ATP10D: variants seen among roughly 807,000 people sequenced by gnomAD.
ATP10D encodes the protein phospholipid-transporting ATPase VD.
Under a neutral mutation model 144.8 loss-of-function variants are expected in ATP10D, and 89 were observed. The observed-to-expected ratio is 0.61, with a 90% CI of 0.52 to 0.73. The LOEUF (loss-of-function observed/expected upper bound fraction) is 0.73, where lower values mean the gene tolerates loss of function less well. Ranked by LOEUF, ATP10D falls within the 30% of genes least tolerant of loss-of-function variation. The pLI, the probability that ATP10D is intolerant of heterozygous loss-of-function variation, is 0.00. For missense variants in ATP10D, 1,603 were observed against 1,714.8 expected (o/e 0.93, Z 1.15); for synonymous variants, 571 against 615.1 (o/e 0.93, Z 1.06).
At chr4:47,501,906 T>C (rs1478452069) in intron 1 of ATP10D, among the ~76,000 whole-genome samples, 4 of 152,198 alleles carry the variant, frequency 2.6e-5, no homozygotes, top group African/African-American at 9.6e-5. Context: ...GTCATTTCAA[T>C]AACGTATTAT....
intron 2 of ATP10D, among the ~76,000 whole-genome samples, chr4:47,513,558 A>G (rs1055081853): frequency 5.3e-5 from 8 of 152,198 alleles, no homozygotes; most frequent in Non-Finnish European, 1.2e-4. Flanking sequence ...GAGATATTCA[A>G]AGCAGAGGTG....
chr4:47,495,737 CT>C (rs34643518), intron 1 of ATP10D, among the ~76,000 whole-genome samples: 16,470 of 141,346 alleles, frequency 0.12, 1,395 homozygotes, highest in East Asian at 0.47. Context: ...TTTTAAGCAA[CT>C]TTTTTTTTTT....
chr4:47,530,549 T>C (rs1717513609), intron 5 of ATP10D, among the ~76,000 whole-genome samples: 1 of 152,000 alleles, frequency 6.6e-6, no homozygotes, highest in African/African-American at 2.4e-5. Flanking sequence ...CTCCACCTCC[T>C]GGTTCAAGCA....
At chr4:47,575,899 A>C (rs1340302233) in intron 18 of ATP10D, among the ~76,000 whole-genome samples, 1 of 143,316 alleles carries the variant, frequency 7.0e-6, no homozygotes, top group Non-Finnish European at 1.5e-5. Context: ...AAAAGAGATG[A>C]GATGATGAGA....
chr4:47,541,874 T>C (rs4694852), intron 9 of ATP10D, among the ~76,000 whole-genome samples: 100,682 of 151,800 alleles, frequency 0.66, 33,754 homozygotes, highest in Non-Finnish European at 0.69. Flanking sequence ...ATTTGGTACC[T>C]ATCTCAATAT....
chr4:47,559,070 CT>C, intron 13 of ATP10D, 41 bp downstream of exon 13: 1 of 1,515,836 alleles, frequency 6.6e-7, no homozygotes, highest in Middle Eastern at 1.7e-4. Flanking sequence ...TGTTTTTTCC[CT>C]TGTTTAGCTA....
intron 7 of ATP10D, 100 bp downstream of exon 7, chr4:47,536,133 A>G: frequency 7.2e-7 from 1 of 1,391,784 alleles, no homozygotes; most frequent in African/African-American, 1.5e-5. Context: ...GGTAAGGTGG[A>G]TTTTGTCAGT....
chr4:47,572,976 C>G lies in ATP10D; in HGVS notation c.3345C>G (p.Leu1115=). ...WCYTRLSNMI[L]YFFYKNVAYV... ...ATACACGGCTTTCCAACATGATTCT[C>G]TATTTTTTCTATAAGAATGTGGTAT... The change falls in exon 18 of 23, where the codon CTC becomes CTG. Residue 1115 remains leucine, a synonymous_variant. Coordinates refer to ENST00000273859, the MANE Select transcript of ATP10D (RefSeq NM_020453.4). 6.2e-7 allele frequency: 1 copy of G among 1,614,090 alleles called. No homozygotes were observed. Among genetic ancestry groups the G allele is most frequent in the Non-Finnish European group, 8.5e-7 (1 of 1,179,982 alleles).
In ATP10D at chr4:47,540,668, A is replaced by G. The variant is rs1239728334; in HGVS notation, c.1396+3730A>G. Among the ~76,000 whole-genome samples the G allele has an allele frequency of 6.6e-5, 10 of 152,300 alleles. No individual in the cohort carries two copies. The East Asian group carries it at 1.9e-3, about 29-fold the overall frequency. The stretch of plus-strand genomic sequence containing the variant: ...TATCATCTTGCATTAGTCATATGAT[A>G]TATTTGAGATAAGTAATGAACAAAT... On this transcript the variant is annotated intron_variant, in intron 9 of 22. Transcript: ENST00000273859.
In ATP10D at chr4:47,572,946, G is replaced by T. The variant is rs749242976; in HGVS notation, c.3315G>T (p.Trp1105Cys). ...AGCTCCTTCTTGTCCATGGACACTG[G>T]TGTTATACACGGCTTTCCAACATGA... ...LSKLLLVHGHWCYTRLSNMIL... is the reference protein window; with the variant it reads ...LSKLLLVHGHCCYTRLSNMIL... Residue 1105 changes from tryptophan to cysteine, a missense_variant, in exon 18 of 23, where the codon TGG becomes TGT. Transcript: ENST00000273859. 8 of 1,613,834 alleles carry T rather than the reference G, an allele frequency of 5.0e-6. No individual in the cohort carries two copies. In the South Asian group the frequency reaches 7.7e-5, roughly 16 times the overall value.
At chr4:47,533,300 C>T (rs374486006) in intron 5 of ATP10D, among the ~76,000 whole-genome samples, 13 of 152,092 alleles carry the variant, frequency 8.5e-5, no homozygotes, top group East Asian at 1.9e-4. Context: ...ATCTGTAAAA[C>T]GAAAAAGCTG....
rs1721128799 is a variant in ATP10D at position 47,593,414 on chromosome 4, T to G, written c.*2033T>G. On this transcript the variant is annotated 3_prime_UTR_variant, in exon 23 of 23. Transcript: ENST00000273859. ...CTACAAAAATATTAATATATTTCAT[T>G]ACTGAATGCTAAACTGTATTTCTTT... 6.6e-6 allele frequency: 1 copy of G among 152,162 alleles called. No homozygotes were observed. The highest frequency in any genetic ancestry group is 1.9e-4 in the East Asian group (1 of 5,204). The allele number at this position is 152,162 out of a possible 1,614,324, so 9.4% of individuals were successfully genotyped here.
intron 10 of ATP10D, among the ~76,000 whole-genome samples, chr4:47,550,144 G>A (rs1230215888): frequency 6.6e-6 from 1 of 152,054 alleles, no homozygotes; most frequent in Non-Finnish European, 1.5e-5. Flanking sequence ...GAGGAGTGAA[G>A]AACAGTATTA....
rs758876246 is a variant in ATP10D, at chr4:47,546,876, C to A, written c.1635+14C>A. The A allele has an allele frequency of 6.2e-7, 1 of 1,600,444 alleles. No individual in the cohort carries two copies. The highest frequency in any genetic ancestry group is 1.1e-5 in the South Asian group (1 of 90,698). ...AGTAGCCCCATTGTAAGTATGAATG[C>A]ATGACTAGAGTCTTGCACATCCACA... On this transcript the variant is annotated intron_variant, in intron 10 of 22. Transcript: ENST00000273859.
At chr4:47,501,938 T>A (rs73237050) in intron 1 of ATP10D, among the ~76,000 whole-genome samples, 15,075 of 152,278 alleles carry the variant, frequency 0.099, 985 homozygotes, top group South Asian at 0.21. Flanking sequence ...GTAGGATCAC[T>A]AAGGTCAAAA....
chr4:47,525,484 A>G (rs1049005714), intron 4 of ATP10D, 73 bp from the exon 5 acceptor site: 113 of 1,062,314 alleles, frequency 1.1e-4, no homozygotes, highest in Non-Finnish European at 1.5e-4. Flanking sequence ...AGAATTGATG[A>G]AAGTGATAAA....
chr4:47,573,793 ACCATTTTTAGGGGAAAAAAAG>A (rs1428163041), intron 18 of ATP10D, among the ~76,000 whole-genome samples: 1 of 152,170 alleles, frequency 6.6e-6, no homozygotes, highest in Non-Finnish European at 1.5e-5. Context: ...CTATTAAAAT[ACCATTTTTAGGGGAAAAAAAG>A]CCATTTTTAG....
chr4:47,568,796 A>C, intron 15 of ATP10D, 41 bp from the exon 16 acceptor site: 1 of 1,556,280 alleles, frequency 6.4e-7, no homozygotes, highest in Non-Finnish European at 8.7e-7. Context: ...TCTGACACCA[A>C]GGGCGCCTGG....
At chr4:47,548,803 A>G (rs11728366) in intron 10 of ATP10D, among the ~76,000 whole-genome samples, 36,137 of 152,074 alleles carry the variant, frequency 0.24, 4,282 homozygotes, top group Admixed American at 0.3. Flanking sequence ...CTTGGTCTAA[A>G]CAAGTTGATT....
Sources: allele counts gnomAD v4.1 joint callset (sites outside exome capture counted in the v4.1 genomes callset), GRCh38; gene constraint gnomAD v4.1.1; transcripts MANE v1.5; gene names NCBI Gene and HGNC (gene_info 2026-07-23, HGNC 2026-07-21).